The following AP3B1 variants were observed in gnomAD, a reference collection of about 807,000 sequenced individuals.
AP3B1 encodes the protein adaptor related protein complex 3 subunit beta 1.
In AP3B1, 61 loss-of-function variants were observed where a neutral mutation model predicts 132.5. That is an observed-to-expected ratio of 0.46 (90% confidence interval 0.37 to 0.57). The LOEUF is 0.57. Among genes scored for constraint, AP3B1 ranks in the 20% least tolerant of loss-of-function variants. The probability of loss-of-function intolerance (pLI) is 0.00; values close to 1 mark genes in which losing one functional copy is unlikely to be tolerated. For synonymous variants in AP3B1, 388 were observed against 438.3 expected, an observed-to-expected ratio of 0.89 and a Z score of 1.43; for missense variants, 1,120 against 1,289.4, an observed-to-expected ratio of 0.87 and a Z score of 2.01.
chr5:78,187,232 T>C (rs1421314357), intron 7 of AP3B1, among the ~76,000 whole-genome samples: 1 of 152,094 alleles, frequency 6.6e-6, no homozygotes, highest in Non-Finnish European at 1.5e-5. Flanking sequence ...AATAAACCAA[T>C]AAAACACAAA....
chr5:78,134,672 C>T (rs1752834596), intron 15 of AP3B1, among the ~76,000 whole-genome samples: 1 of 152,178 alleles, frequency 6.6e-6, no homozygotes, highest in African/African-American at 2.4e-5. Context: ...TCCCAAGTAG[C>T]TAGGATTACA....
intron 14 of AP3B1, among the ~76,000 whole-genome samples, chr5:78,153,742 T>C (rs1742999572): frequency 1.3e-5 from 2 of 152,270 alleles, no homozygotes; most frequent in East Asian, 3.9e-4. Context: ...AGATTAGAGG[T>C]TACAATGAAG....
At chr5:78,160,743 A>G (rs1449997163) in intron 13 of AP3B1, among the ~76,000 whole-genome samples, 1 of 152,038 alleles carries the variant, frequency 6.6e-6, no homozygotes, top group Non-Finnish European at 1.5e-5. Flanking sequence ...TTTAATACAA[A>G]GAGGAAGGGG....
At chr5:78,096,380 A>G (rs252744) in intron 21 of AP3B1, among the ~76,000 whole-genome samples, 41,741 of 151,288 alleles carry the variant, frequency 0.28, 6,383 homozygotes, top group African/African-American at 0.4. Flanking sequence ...CCTCCCAGCC[A>G]CCTGCCTTGG....
intron 22 of AP3B1, among the ~76,000 whole-genome samples, chr5:78,086,713 C>G (rs1750272102): frequency 6.6e-6 from 1 of 152,188 alleles, no homozygotes. Flanking sequence ...CCATGTCCCT[C>G]ACAAAAGCTC....
intron 22 of AP3B1, among the ~76,000 whole-genome samples, chr5:78,053,673 C>T (rs1219593837): frequency 1.0e-4 from 10 of 99,832 alleles, no homozygotes; most frequent in South Asian, 6.8e-4. Context: ...AGCAAGACTC[C>T]ATCTCAAAAA....
rs1249331495 is a variant in AP3B1 at position 78,100,980 on chromosome 5, C to A, written c.2443G>T (p.Asp815Tyr). Residue 815 changes from aspartate (D) to tyrosine (Y), a missense_variant, in exon 21 of 27, where the codon GAT becomes TAT. Coordinates refer to ENST00000255194, the MANE Select transcript of AP3B1 (RefSeq NM_003664.5). ...TKQDRTPLTKDVSLLDLDDFN... is the reference protein window; with the variant it reads ...TKQDRTPLTKYVSLLDLDDFN... ...TCATCCAGATCTAGAAGTGAAACAT[C>A]TTTGGTAAGAGGAGTTCTATCTTGC... 6.4e-7 allele frequency: 1 copy of A among 1,556,504 alleles called. No individual in the cohort carries two copies. The highest frequency in any genetic ancestry group is 8.8e-7 in the Non-Finnish European group (1 of 1,131,260).
intron 17 of AP3B1, among the ~76,000 whole-genome samples, chr5:78,119,842 C>A (rs1168493973): frequency 6.6e-6 from 1 of 152,108 alleles, no homozygotes; most frequent in Non-Finnish European, 1.5e-5. Flanking sequence ...ACAGAGAACG[C>A]CACAAAGATA....
intron 22 of AP3B1, chr5:78,087,655 G>A (rs1168988103): frequency 4.1e-6 from 4 of 985,160 alleles, no homozygotes; most frequent in Admixed American, 6.2e-5. Context: ...TTTAGATGGA[G>A]TGCTTTTCTT....
intron 21 of AP3B1, among the ~76,000 whole-genome samples, chr5:78,092,339 T>C (rs1415061112): frequency 6.6e-6 from 1 of 152,180 alleles, no homozygotes; most frequent in African/African-American, 2.4e-5. Context: ...TGCTCTGGTA[T>C]TAAAGAGATG....
intron 26 of AP3B1, among the ~76,000 whole-genome samples, chr5:78,013,701 C>A (rs1333019994): frequency 6.6e-6 from 1 of 152,118 alleles, no homozygotes; most frequent in African/African-American, 2.4e-5. Context: ...AACAGGAAAA[C>A]TCAAAATATT....
chr5:78,237,620 C>CA (rs1259484151), intron 3 of AP3B1, among the ~76,000 whole-genome samples: 4 of 152,112 alleles, frequency 2.6e-5, no homozygotes, highest in Non-Finnish European at 4.4e-5. Context: ...CCAGCCTGGG[C>CA]AACATGACAA....
intron 7 of AP3B1, among the ~76,000 whole-genome samples, chr5:78,202,816 A>G (rs1745352491): frequency 6.6e-6 from 1 of 152,208 alleles, no homozygotes; most frequent in South Asian, 2.1e-4. Context: ...TTATGTCAAC[A>G]AAAGGAAAAT....
intron 22 of AP3B1, among the ~76,000 whole-genome samples, chr5:78,040,499 C>T (rs1295092135): frequency 6.6e-6 from 1 of 151,902 alleles, no homozygotes; most frequent in Non-Finnish European, 1.5e-5. Context: ...CACCTTTTAC[C>T]CTTCTATTGA....
intron 17 of AP3B1, among the ~76,000 whole-genome samples, chr5:78,125,453 A>G (rs1322411626): frequency 6.6e-6 from 1 of 152,188 alleles, no homozygotes; most frequent in Admixed American, 6.5e-5. Flanking sequence ...CTAGAATAAC[A>G]TAGTATATTA....
chr5:78,136,790 C>T (rs1752931928), intron 15 of AP3B1, among the ~76,000 whole-genome samples: 1 of 151,898 alleles, frequency 6.6e-6, no homozygotes, highest in Non-Finnish European at 1.5e-5. Flanking sequence ...ACTCTAACTG[C>T]ATTTTTCTAA....
chr5:78,091,459 A>G (rs540888842), intron 21 of AP3B1, among the ~76,000 whole-genome samples: 12 of 152,312 alleles, frequency 7.9e-5, no homozygotes, highest in Non-Finnish European at 1.8e-4. Context: ...GCTGAAGCAC[A>G]GCTTCAAACC....
At chr5:78,140,738 A>C (rs960568371) in intron 15 of AP3B1, among the ~76,000 whole-genome samples, 4 of 152,166 alleles carry the variant, frequency 2.6e-5, no homozygotes, top group African/African-American at 9.7e-5. Flanking sequence ...ACCTTCAAAA[A>C]GTTTCCCAGA....
chr5:78,044,900 C>A (rs1283274871), intron 22 of AP3B1, among the ~76,000 whole-genome samples: 1 of 152,214 alleles, frequency 6.6e-6, no homozygotes, highest in Non-Finnish European at 1.5e-5. Context: ...ATTCTTTCCA[C>A]ATTCAACCAA....
Sources: gnomAD v4.1 joint callset for allele counts (sites outside exome capture counted in the v4.1 genomes callset) on GRCh38, gnomAD v4.1.1 for gene constraint, MANE v1.5 for transcripts, NCBI Gene and HGNC (gene_info 2026-07-23, HGNC 2026-07-21) for gene names.